The following ENOX2 variants were observed in gnomAD, a reference collection of about 807,000 sequenced individuals.
ENOX2 encodes APK1 antigen.
A neutral mutation model predicts 45.0 loss-of-function variants in ENOX2; 36 were observed. The observed-to-expected ratio is 0.80, with a 90% CI of 0.61 to 1.06. The LOEUF is 1.06. Ranked by LOEUF, ENOX2 falls within the 50% of genes least tolerant of loss-of-function variation. The probability of loss-of-function intolerance (pLI) is 0.00; values close to 1 mark genes in which losing one functional copy is unlikely to be tolerated. For missense variants in ENOX2, 423 were observed against 462.5 expected, an observed-to-expected ratio of 0.91 and a Z score of 0.78; for synonymous variants, 174 against 152.3, an observed-to-expected ratio of 1.14 and a Z score of -1.05.
chrX:130,879,316 T>C (rs1034274490), intron 2 of ENOX2, among the ~76,000 whole-genome samples: 1 of 111,869 alleles, frequency 8.9e-6, no homozygotes, highest in African/African-American at 3.2e-5. Context: ...CAATTCCTGT[T>C]CAATACACAG....
At chrX:130,865,431 C>T (rs976772469) in intron 2 of ENOX2, among the ~76,000 whole-genome samples, 15 of 111,874 alleles carry the variant, frequency 1.3e-4, no homozygotes, top group African/African-American at 4.9e-4. Context: ...GTGCTGGCTT[C>T]CAATAATACT....
At position 130,843,434 on chromosome X, in the gene ENOX2, A is replaced by G. The variant is rs774976859; in HGVS notation, c.-183+58250T>C. Among the ~76,000 whole-genome samples, 4 of 111,781 alleles carry G rather than the reference A, an allele frequency of 3.6e-5. No individual in the cohort carries two copies. In the Admixed American group the frequency reaches 3.8e-4, roughly 11 times the overall value. On this transcript the variant is annotated intron_variant, in intron 2 of 14. Coordinates refer to ENST00000394363, the MANE Select transcript of ENOX2 (RefSeq NM_006375.4). ...AGTTGCAGACAGAGTAATCCTTCCA[A>G]AAGACAAATATGATCATGTCACTCA...
chrX:130,656,513 TA>T, intron 10 of ENOX2, 67 bp downstream of exon 10: 1 of 697,851 alleles, frequency 1.4e-6, no homozygotes, highest in Non-Finnish European at 2.2e-6. Context: ...TACTGGGTAT[TA>T]AAAGTTTGAA....
intron 3 of ENOX2, among the ~76,000 whole-genome samples, chrX:130,739,446 T>A (rs1368668385): frequency 1.8e-5 from 2 of 112,628 alleles, no homozygotes; most frequent in Non-Finnish European, 3.7e-5. Context: ...ATTTACGATG[T>A]GTTTATCGGG....
At chrX:130,856,071 A>G (rs2078303204) in intron 2 of ENOX2, among the ~76,000 whole-genome samples, 2 of 112,162 alleles carry the variant, frequency 1.8e-5, no homozygotes, top group African/African-American at 6.5e-5. Flanking sequence ...ACACCACCAT[A>G]TCCTGCCAAG....
At chrX:130,753,062 T>C (rs2039265667) in intron 3 of ENOX2, among the ~76,000 whole-genome samples, 1 of 111,717 alleles carries the variant, frequency 9.0e-6, no homozygotes, top group Non-Finnish European at 1.9e-5. Flanking sequence ...TCTGTCCATG[T>C]GAGTGTTATT....
intron 6 of ENOX2, among the ~76,000 whole-genome samples, chrX:130,676,680 T>C (rs183275518): frequency 1.6e-3 from 174 of 111,638 alleles, no homozygotes; most frequent in Non-Finnish European, 2.6e-3. Flanking sequence ...GGTAATTAGA[T>C]TCTATAGCAC....
intron 3 of ENOX2, among the ~76,000 whole-genome samples, chrX:130,736,279 G>A (rs1210623116): frequency 3.6e-5 from 4 of 109,714 alleles, no homozygotes; most frequent in Non-Finnish European, 7.6e-5. Context: ...CAGGAGAGTC[G>A]CTTGGGGAGG....
intron 2 of ENOX2, among the ~76,000 whole-genome samples, chrX:130,855,794 G>A (rs2078297071): frequency 9.0e-6 from 1 of 111,504 alleles, no homozygotes; most frequent in African/African-American, 3.3e-5. Context: ...GCCACAGATT[G>A]GCAAAAATAT....
At chrX:130,826,160 T>A (rs1183053517) in intron 2 of ENOX2, among the ~76,000 whole-genome samples, 1 of 111,363 alleles carries the variant, frequency 9.0e-6, no homozygotes, top group African/African-American at 3.3e-5. Context: ...TATGAAAGAA[T>A]AGAGAAGTGT....
chrX:130,655,350 T>C (rs1033739695), intron 10 of ENOX2, among the ~76,000 whole-genome samples: 6 of 112,062 alleles, frequency 5.4e-5, no homozygotes, highest in African/African-American at 1.9e-4. Flanking sequence ...TTGATGTTTT[T>C]CTTTCCTTCA....
At chrX:130,776,434 T>C (rs2039857916) in intron 3 of ENOX2, among the ~76,000 whole-genome samples, 1 of 110,616 alleles carries the variant, frequency 9.0e-6, no homozygotes. Flanking sequence ...GTCCTTGTGA[T>C]AGTGAGTTCT....
intron 2 of ENOX2, among the ~76,000 whole-genome samples, chrX:130,853,720 A>C (rs1177394724): frequency 9.1e-6 from 1 of 110,195 alleles, no homozygotes; most frequent in Non-Finnish European, 1.9e-5. Context: ...GGGTTTTTTT[A>C]AATCCCCAAT....
intron 10 of ENOX2, among the ~76,000 whole-genome samples, chrX:130,649,574 C>T (rs961951782): frequency 5.4e-5 from 6 of 111,981 alleles, no homozygotes; most frequent in Non-Finnish European, 1.9e-5. Flanking sequence ...TTGTTTTCTG[C>T]GGATGGCCAT....
intron 8 of ENOX2, among the ~76,000 whole-genome samples, 162 bp from the exon 9 acceptor site, chrX:130,665,911 G>A (rs1360640245): frequency 9.0e-6 from 1 of 111,098 alleles, no homozygotes; most frequent in Non-Finnish European, 1.9e-5. Flanking sequence ...GGCTACATGT[G>A]TTGGGGTACT....
chrX:130,828,438 A>G (rs959626639), intron 2 of ENOX2, among the ~76,000 whole-genome samples: 2 of 112,427 alleles, frequency 1.8e-5, no homozygotes, highest in Non-Finnish European at 3.8e-5. Context: ...ATTAAATCTA[A>G]TATTTTTCTT....
intron 3 of ENOX2, among the ~76,000 whole-genome samples, chrX:130,713,320 T>C (rs2038241013): frequency 8.9e-6 from 1 of 112,131 alleles, no homozygotes; most frequent in Non-Finnish European, 1.9e-5. Context: ...TCTTTTGTAA[T>C]TTCAGGGTGG....
At chrX:130,704,068 A>G (rs1381238134) in intron 3 of ENOX2, among the ~76,000 whole-genome samples, 1 of 111,924 alleles carries the variant, frequency 8.9e-6, no homozygotes, top group Non-Finnish European at 1.9e-5. Flanking sequence ...GAAGTTTTAG[A>G]GACATTTAAG....
intron 2 of ENOX2, among the ~76,000 whole-genome samples, chrX:130,817,569 C>A (rs1480832941): frequency 1.8e-5 from 2 of 111,979 alleles, no homozygotes; most frequent in Non-Finnish European, 3.8e-5. Context: ...GCTTACCTAC[C>A]ACGATCAAGT....
Sources: gnomAD v4.1 joint callset for allele counts (sites outside exome capture counted in the v4.1 genomes callset) on GRCh38, gnomAD v4.1.1 for gene constraint, MANE v1.5 for transcripts, NCBI Gene and HGNC (gene_info 2026-07-23, HGNC 2026-07-21) for gene names.